The following ROBO1 variants were observed in gnomAD, a reference collection of about 807,000 sequenced individuals.
ROBO1 encodes the protein roundabout guidance receptor 1.
ROBO1 carries 149 observed loss-of-function variants against 195.9 expected under a neutral mutation model. That is an observed-to-expected ratio of 0.76 (90% CI 0.67 to 0.87). ROBO1 has a LOEUF of 0.87. Ranked by LOEUF, ROBO1 falls within the 40% of genes least tolerant of loss-of-function variation. The probability of loss-of-function intolerance (pLI) is 0.00; values close to 1 mark genes in which losing one functional copy is unlikely to be tolerated. For synonymous variants in ROBO1, 816 were observed against 733.2 expected, an observed-to-expected ratio of 1.11 and a Z score of -1.82; for missense variants, 1,933 against 2,068.3, an observed-to-expected ratio of 0.93 and a Z score of 1.27.
intron 3 of ROBO1, among the ~76,000 whole-genome samples, chr3:79,031,686 G>C (rs1280612281): frequency 1.3e-5 from 2 of 152,038 alleles, no homozygotes. Flanking sequence ...CACATAAAGC[G>C]CTTGTAACGG....
intron 4 of ROBO1, among the ~76,000 whole-genome samples, chr3:78,882,668 A>G (rs1309675973): frequency 6.6e-6 from 1 of 151,928 alleles, no homozygotes; most frequent in African/African-American, 2.4e-5. Context: ...CTATCTCTCC[A>G]TCTTTCTCCT....
chr3:78,736,851 A>T (rs1320890439), intron 5 of ROBO1, among the ~76,000 whole-genome samples: 1 of 152,180 alleles, frequency 6.6e-6, no homozygotes, highest in East Asian at 1.9e-4. Context: ...GTAATTATTT[A>T]AATAAAATTG....
chr3:78,608,599 G>A (rs114346302), intron 28 of ROBO1, among the ~76,000 whole-genome samples: 3,463 of 152,094 alleles, frequency 0.023, 73 homozygotes, highest in Middle Eastern at 0.034. Context: ...CGGTTATTCC[G>A]GCTGCAGTAT....
chr3:78,839,435 TA>T (rs1221422303), intron 4 of ROBO1, among the ~76,000 whole-genome samples: 1 of 129,454 alleles, frequency 7.7e-6, no homozygotes, highest in Non-Finnish European at 1.7e-5. Context: ...GAAAAAAGAA[TA>T]TTTTTTTTCA....
chr3:78,807,761 G>A (rs1321805813), intron 4 of ROBO1, among the ~76,000 whole-genome samples: 3 of 152,188 alleles, frequency 2.0e-5, no homozygotes, highest in Non-Finnish European at 4.4e-5. Flanking sequence ...GCACATGCAT[G>A]TGTGTGTTTG....
At chr3:79,280,466 G>A (rs966254281) in intron 2 of ROBO1, among the ~76,000 whole-genome samples, 1 of 152,112 alleles carries the variant, frequency 6.6e-6, no homozygotes, top group South Asian at 2.1e-4. Flanking sequence ...GACAAACAGA[G>A]GGAGCAGATA....
intron 18 of ROBO1, among the ~76,000 whole-genome samples, chr3:78,652,897 T>A (rs1408130175): frequency 1.3e-5 from 2 of 152,110 alleles, no homozygotes; most frequent in Non-Finnish European, 2.9e-5. Flanking sequence ...AACTGGAGGC[T>A]GTATCATCAA....
chr3:79,182,570 TGC>T (rs1553696461), intron 2 of ROBO1, among the ~76,000 whole-genome samples: 7 of 149,920 alleles, frequency 4.7e-5, no homozygotes, highest in African/African-American at 1.8e-4. Flanking sequence ...TGTGTGTGTG[TGC>T]GTGCGTGCAT....
intron 1 of ROBO1, among the ~76,000 whole-genome samples, chr3:79,609,642 A>C (rs1434415239): frequency 1.3e-5 from 2 of 151,954 alleles, no homozygotes; most frequent in Non-Finnish European, 2.9e-5. Flanking sequence ...AAAATGTGGT[A>C]TAACATACAA....
At chr3:78,883,132 ATCT>A (rs1266283298) in intron 4 of ROBO1, among the ~76,000 whole-genome samples, 1 of 151,778 alleles carries the variant, frequency 6.6e-6, no homozygotes, top group Non-Finnish European at 1.5e-5. Flanking sequence ...CTTTTCTCTC[ATCT>A]TCTTCTCTAC....
At chr3:78,678,421 C>G (rs539307645) in intron 10 of ROBO1, among the ~76,000 whole-genome samples, 9 of 152,090 alleles carry the variant, frequency 5.9e-5, no homozygotes, top group African/African-American at 1.9e-4. Flanking sequence ...AATTGATAGA[C>G]AGCTAGCAAG....
chr3:78,969,889 C>T (rs938675544), intron 3 of ROBO1, among the ~76,000 whole-genome samples: 3 of 152,042 alleles, frequency 2.0e-5, no homozygotes, highest in African/African-American at 4.8e-5. Context: ...TTAAATGTTG[C>T]TAAATACTCA....
chr3:79,465,232 A>G (rs933373620), intron 2 of ROBO1, among the ~76,000 whole-genome samples: 1 of 152,204 alleles, frequency 6.6e-6, no homozygotes, highest in Non-Finnish European at 1.5e-5. Context: ...ATTAGAAACA[A>G]AGAACATTAT....
intron 2 of ROBO1, among the ~76,000 whole-genome samples, chr3:79,264,375 C>T (rs1313975088): frequency 6.6e-6 from 1 of 151,792 alleles, no homozygotes; most frequent in Non-Finnish European, 1.5e-5. Flanking sequence ...ACCTTTTCTT[C>T]TCACCTAAGT....
At chr3:79,346,999 A>G (rs2035145508) in intron 2 of ROBO1, among the ~76,000 whole-genome samples, 1 of 152,046 alleles carries the variant, frequency 6.6e-6, no homozygotes, top group African/African-American at 2.4e-5. Context: ...TGGAGTTCAT[A>G]ATATGGTGAT....
chr3:78,656,345 ATTTTTTTTT>A (rs5850382), intron 18 of ROBO1, among the ~76,000 whole-genome samples: 6 of 88,608 alleles, frequency 6.8e-5, no homozygotes, highest in Non-Finnish European at 1.3e-4. Context: ...TGCTTATTTG[ATTTTTTTTT>A]TTTTTTTTTT....
intron 23 of ROBO1, chr3:78,634,607 C>T (rs141012099): frequency 9.4e-5 from 22 of 233,382 alleles, no homozygotes; most frequent in Middle Eastern, 4.5e-4. Context: ...CAGGGCTTTC[C>T]GAAGTCCACA....
chr3:79,189,961 T>A (rs1341860195), intron 2 of ROBO1, among the ~76,000 whole-genome samples: 1 of 151,704 alleles, frequency 6.6e-6, no homozygotes, highest in Non-Finnish European at 1.5e-5. Context: ...GAAGCCAAAA[T>A]TGGAACCACA....
At chr3:79,494,974 C>A (rs2107468939) in intron 2 of ROBO1, among the ~76,000 whole-genome samples, 1 of 152,170 alleles carries the variant, frequency 6.6e-6, no homozygotes, top group Middle Eastern at 3.4e-3. Context: ...GTTTTACTTT[C>A]CTCTAAAGAA....
Sources: gnomAD v4.1 joint callset for allele counts (sites outside exome capture counted in the v4.1 genomes callset) on GRCh38, gnomAD v4.1.1 for gene constraint, MANE v1.5 for transcripts, NCBI Gene and HGNC (gene_info 2026-07-23, HGNC 2026-07-21) for gene names.